Variants in PCDH15 observed in about 807,000 individuals in gnomAD.
PCDH15 encodes protocadherin-15.
PCDH15 carries 129 observed loss-of-function variants against 178.5 expected under a neutral mutation model. The observed-to-expected ratio is 0.72, with a 90% CI of 0.63 to 0.84. The LOEUF is 0.84. Ranked by LOEUF, PCDH15 falls within the 40% of genes least tolerant of loss-of-function variation. The pLI is 0.00. For synonymous variants in PCDH15, 800 were observed against 732.0 expected, an observed-to-expected ratio of 1.09 and a Z score of -1.50; for missense variants, 2,230 against 2,099.9, an observed-to-expected ratio of 1.06 and a Z score of -1.21.
At chr10:54,660,699 C>T (rs1029710339) in intron 2 of PCDH15, among the ~76,000 whole-genome samples, 1 of 151,916 alleles carries the variant, frequency 6.6e-6, no homozygotes, top group East Asian at 1.9e-4. Flanking sequence ...TGAATAGACA[C>T]AAAAATCTGC....
At chr10:54,777,192 T>C (rs553795623) in intron 1 of PCDH15, among the ~76,000 whole-genome samples, 133 of 152,288 alleles carry the variant, frequency 8.7e-4, no homozygotes, top group African/African-American at 2.8e-3. Context: ...CTGTGAGCTG[T>C]CCTGCCTTAA....
At chr10:53,871,327 C>T (rs984192105) in intron 26 of PCDH15, among the ~76,000 whole-genome samples, 1 of 151,900 alleles carries the variant, frequency 6.6e-6, no homozygotes, top group Non-Finnish European at 1.5e-5. Context: ...GGTGACAGAG[C>T]GAGACGTCGT....
chr10:54,062,253 CAA>C (rs769054605), intron 18 of PCDH15, among the ~76,000 whole-genome samples: 1 of 75,842 alleles, frequency 1.3e-5, no homozygotes, highest in African/African-American at 5.1e-5. Flanking sequence ...AAAAAAAAAA[CAA>C]AAAACAACTA....
chr10:55,303,678 T>C (rs566172135), intron 1 of PCDH15, among the ~76,000 whole-genome samples: 9 of 152,316 alleles, frequency 5.9e-5, no homozygotes, highest in Non-Finnish European at 1.2e-4. Context: ...TCATCTAAGT[T>C]GTCTATTTTA....
intron 1 of PCDH15, among the ~76,000 whole-genome samples, chr10:55,285,248 T>G (rs1263804154): frequency 6.7e-6 from 1 of 150,082 alleles, no homozygotes; most frequent in Non-Finnish European, 1.5e-5. Context: ...TACAATATAT[T>G]TATTTATACA....
Position 54,539,101 on chromosome 10 carries a change from A to AGCAGT in PCDH15, c.92-11229_92-11225dup, listed in dbSNP as rs564639719. 6.6e-5 allele frequency among the ~76,000 whole-genome samples: 10 copies of AGCAGT among 152,324 alleles called. No individual in the cohort carries two copies. In the East Asian group the frequency reaches 1.5e-3, roughly 23 times the overall value. Reference sequence around the variant, plus strand: ...GTTTATGTTATCTATGATTTCTTTCAGCAGTGTGCAGTTCTCCTTACAGAG... The same window carrying AGCAGT: ...GTTTATGTTATCTATGATTTCTTTCAGCAGTGCAGTGTGCAGTTCTCCTTACAGAG... On this transcript the variant is annotated intron_variant, in intron 2 of 37. Transcript: ENST00000644397.
chr10:53,897,896 T>C (rs1029789534), intron 26 of PCDH15, among the ~76,000 whole-genome samples: 5 of 152,076 alleles, frequency 3.3e-5, no homozygotes, highest in African/African-American at 1.2e-4. Flanking sequence ...TTCCATTGTA[T>C]GTGTATATCA....
chr10:55,544,740 T>A (rs1169777314), intron 2 of PCDH15, among the ~76,000 whole-genome samples: 1 of 152,142 alleles, frequency 6.6e-6, no homozygotes, highest in Non-Finnish European at 1.5e-5. Context: ...TCTGGTGTAT[T>A]TTTTGTCATC....
intron 2 of PCDH15, among the ~76,000 whole-genome samples, chr10:55,348,671 A>G (rs1844827694): frequency 6.6e-6 from 1 of 152,176 alleles, no homozygotes; most frequent in African/African-American, 2.4e-5. Flanking sequence ...AGAGAAGGAA[A>G]ATAAAAACTT....
chr10:55,476,427 C>A (rs756279633), intron 2 of PCDH15, among the ~76,000 whole-genome samples: 1 of 151,920 alleles, frequency 6.6e-6, no homozygotes, highest in Non-Finnish European at 1.5e-5. Flanking sequence ...GATTCATGTT[C>A]TTCTGATAAT....
chr10:55,540,655 T>C (rs1208913803), intron 2 of PCDH15, among the ~76,000 whole-genome samples: 1 of 152,084 alleles, frequency 6.6e-6, no homozygotes, highest in Non-Finnish European at 1.5e-5. Flanking sequence ...TTATGTAATA[T>C]CAATTAAAGG....
chr10:54,057,912 C>T (rs2093931065), intron 18 of PCDH15, among the ~76,000 whole-genome samples: 6 of 152,096 alleles, frequency 3.9e-5, no homozygotes, highest in South Asian at 4.1e-4. Context: ...GGCAAAATGC[C>T]ACCAGTCTCT....
chr10:54,018,790 C>A (rs2092821005), intron 20 of PCDH15, among the ~76,000 whole-genome samples: 1 of 151,984 alleles, frequency 6.6e-6, no homozygotes, highest in South Asian at 2.1e-4. Flanking sequence ...CCACATTTTT[C>A]TATCTAAGCC....
intron 2 of PCDH15, among the ~76,000 whole-genome samples, chr10:55,463,583 C>A (rs1263154572): frequency 1.3e-5 from 2 of 151,932 alleles, no homozygotes; most frequent in Non-Finnish European, 2.9e-5. Context: ...CACTTGAGTC[C>A]AGTAGGTGCA....
At chr10:54,321,473 ACATATATATG>A (rs1202773940) in intron 7 of PCDH15, among the ~76,000 whole-genome samples, 1 of 151,724 alleles carries the variant, frequency 6.6e-6, no homozygotes, top group Non-Finnish European at 1.5e-5. Flanking sequence ...ATATAAACAC[ACATATATATG>A]CATATATACA....
chr10:54,956,462 C>A (rs1838490036), intron 2 of PCDH15, among the ~76,000 whole-genome samples: 1 of 151,338 alleles, frequency 6.6e-6, no homozygotes, highest in African/African-American at 2.4e-5. Context: ...CTTACATACA[C>A]TTAAGATAAA....
intron 29 of PCDH15, among the ~76,000 whole-genome samples, chr10:53,839,425 TATAG>T (rs1342132773): frequency 1.3e-5 from 2 of 152,018 alleles, no homozygotes; most frequent in Non-Finnish European, 2.9e-5. Context: ...ATACACATAA[TATAG>T]ATATATTTGT....
intron 15 of PCDH15, among the ~76,000 whole-genome samples, chr10:54,103,885 A>C (rs2094859325): frequency 6.6e-6 from 1 of 152,088 alleles, no homozygotes; most frequent in Admixed American, 6.5e-5. Context: ...ATCCATTCCC[A>C]TGCCTGTTCT....
intron 15 of PCDH15, among the ~76,000 whole-genome samples, chr10:54,129,929 TTG>T (rs1182710492): frequency 2.6e-5 from 4 of 152,202 alleles, no homozygotes; most frequent in Admixed American, 6.5e-5. Flanking sequence ...CATGGAAATT[TTG>T]TGTTTAAAAA....
Sources: gnomAD v4.1 joint callset for allele counts (sites outside exome capture counted in the v4.1 genomes callset) on GRCh38, gnomAD v4.1.1 for gene constraint, MANE v1.5 for transcripts, NCBI Gene and HGNC (gene_info 2026-07-23, HGNC 2026-07-21) for gene names.